CUX1: variants seen among roughly 807,000 people sequenced by gnomAD.
CUX1 encodes the protein protein CASP.
A neutral mutation model predicts 158.8 loss-of-function variants in CUX1; 31 were observed. The observed-to-expected ratio is 0.20, with a 90% CI of 0.15 to 0.26. The LOEUF is 0.26. Ranked by LOEUF, CUX1 falls within the 10% of genes least tolerant of loss-of-function variation. The probability of loss-of-function intolerance (pLI) is 1.00; values close to 1 mark genes in which losing one functional copy is unlikely to be tolerated. For synonymous variants in CUX1, 879 were observed against 862.1 expected (o/e 1.02, Z -0.34); for missense variants, 1,589 against 2,014.6 (o/e 0.79, Z 4.04).
At chr7:101,900,049 GA>G (rs1801970402) in intron 1 of CUX1, among the ~76,000 whole-genome samples, 1 of 152,222 alleles carries the variant, frequency 6.6e-6, no homozygotes, top group African/African-American at 2.4e-5. Context: ...CTATCTTGTA[GA>G]AAGCGCCCTG....
intron 1 of CUX1, among the ~76,000 whole-genome samples, chr7:101,828,038 G>A (rs185241365): frequency 2.7e-5 from 4 of 150,242 alleles, no homozygotes; most frequent in African/African-American, 4.9e-5. Flanking sequence ...GTGCGGTGGC[G>A]GATCTCGACT....
chr7:102,100,244 C>T lies in CUX1; in HGVS notation c.406+2743C>T, dbSNP rs1036403757. The stretch of plus-strand genomic sequence containing the variant: ...AGTGAGCTAAGATCACACCACTGTA[C>T]TCCAGTCTGGGCAACAGAGCGAGAC... On this transcript the variant is annotated intron_variant, in intron 5 of 23. Transcript: ENST00000292535. Among the ~76,000 whole-genome samples, 41 of 152,208 alleles carry T rather than the reference C, an allele frequency of 2.7e-4. 1 individual carries two copies.
At chr7:102,037,351 TTTC>T (rs1821553694) in intron 3 of CUX1, among the ~76,000 whole-genome samples, 1 of 149,356 alleles carries the variant, frequency 6.7e-6, no homozygotes. Flanking sequence ...TTTCTTTTCT[TTTC>T]TTTTTTTTTT....
intron 1 of CUX1, among the ~76,000 whole-genome samples, chr7:101,838,112 C>T (rs1378831036): frequency 6.6e-6 from 1 of 151,486 alleles, no homozygotes; most frequent in Non-Finnish European, 1.5e-5. Context: ...TTTTCTCCTT[C>T]CTTTTCACTC....
intron 20 of CUX1, 61 bp downstream of exon 20, chr7:102,205,231 G>A (rs1197731851): frequency 2.6e-5 from 33 of 1,277,194 alleles, no homozygotes; most frequent in East Asian, 1.4e-4. Context: ...CTGTTGTCCC[G>A]TGCTGTGGTC....
At chr7:102,018,365 C>G (rs181991705) in intron 2 of CUX1, among the ~76,000 whole-genome samples, 274 of 152,344 alleles carry the variant, frequency 1.8e-3, no homozygotes, top group Middle Eastern at 3.4e-3. Context: ...ACCAATGGAG[C>G]CTGAATTTGG....
intron 2 of CUX1, among the ~76,000 whole-genome samples, chr7:101,965,709 C>CGTG (rs1811102658): frequency 6.6e-6 from 1 of 151,468 alleles, no homozygotes; most frequent in South Asian, 2.1e-4. Flanking sequence ...ATTAGCGGGG[C>CGTG]GTGGTGGCAG....
chr7:102,140,726 G>T lies in CUX1; in HGVS notation c.675-17834G>T, dbSNP rs568634778. On this transcript the variant is annotated intron_variant, in intron 8 of 23. Coordinates refer to ENST00000292535, the MANE Select transcript of CUX1 (RefSeq NM_181552.4). ...AATACAAAAAAAAATTTAGCTGAGC[G>T]TGGTGGTGCACGCCTGTAATCCCAG... 2.0e-5 allele frequency among the ~76,000 whole-genome samples: 3 copies of T among 151,936 alleles called. 1 individual carries two copies. Among genetic ancestry groups the T allele is most frequent in the Admixed American group, 2.0e-4 (3 of 15,260 alleles).
In CUX1 at chr7:102,201,960, C is replaced by T; in HGVS notation, c.2663C>T (p.Pro888Leu). The T allele has an allele frequency of 6.2e-7, 1 of 1,614,086 alleles. No individual in the cohort carries two copies. The highest frequency in any genetic ancestry group is 8.5e-7 in the Non-Finnish European group (1 of 1,180,012). Reference protein sequence around the residue: ...YWKEWPSAESPYSQSSELSLT... With the variant: ...YWKEWPSAESLYSQSSELSLT... Reference sequence around the variant, plus strand: ...AAGGAGTGGCCCAGCGCTGAGTCCCCATACTCCCAGAGCTCAGAGCTGAGT... The same window carrying T: ...AAGGAGTGGCCCAGCGCTGAGTCCCTATACTCCCAGAGCTCAGAGCTGAGT... The change falls in exon 18 of 24, where the codon CCA becomes CTA. Residue 888 changes from proline to leucine, a missense_variant. By Grantham distance (98) the Pro-to-Leu change is moderately conservative. Coordinates refer to ENST00000292535, the MANE Select transcript of CUX1 (RefSeq NM_181552.4). This position sits in a 1 kb window ranked among gnomAD's most constrained non-coding sequence, Gnocchi z 5.0.
intron 7 of CUX1, 140 bp from the exon 8 acceptor site, chr7:102,115,067 T>C: frequency 1.4e-6 from 1 of 705,978 alleles, no homozygotes; most frequent in South Asian, 1.8e-5. Context: ...TTGGCCTCTT[T>C]TGTGTGTTTT....
intron 1 of CUX1, among the ~76,000 whole-genome samples, chr7:101,818,609 C>T (rs565862442): frequency 1.0e-3 from 153 of 152,258 alleles, no homozygotes; most frequent in African/African-American, 3.5e-3. Flanking sequence ...AACCAAACCC[C>T]AAAACAAAGT....
intron 18 of CUX1, among the ~76,000 whole-genome samples, chr7:102,203,715 G>A (rs915114921): frequency 3.3e-5 from 5 of 152,132 alleles, no homozygotes; most frequent in South Asian, 4.1e-4. Context: ...TCCCAGGGCG[G>A]CATCTGTGTC....
chr7:102,266,308 A>T (rs193208957), intron 14 of CUX1, among the ~76,000 whole-genome samples: 2 of 151,724 alleles, frequency 1.3e-5, no homozygotes, highest in East Asian at 3.9e-4. Context: ...TGAGCCACCG[A>T]AGGGTCGCAG....
chr7:102,192,761 C>A (rs1554517348), intron 12 of CUX1, among the ~76,000 whole-genome samples: 1 of 152,210 alleles, frequency 6.6e-6, no homozygotes, highest in African/African-American at 2.4e-5. Context: ...ATCTCACGGT[C>A]CAGCCAGCCT....
intron 7 of CUX1, chr7:102,111,978 G>A (rs1187855898): frequency 3.8e-6 from 2 of 529,848 alleles, no homozygotes; most frequent in African/African-American, 3.8e-5. Context: ...TGTTAATGTA[G>A]AGGTGGGAGG....
At chr7:101,850,405 TTTTC>T (rs201253063) in intron 1 of CUX1, among the ~76,000 whole-genome samples, 13 of 145,238 alleles carry the variant, frequency 9.0e-5, no homozygotes, top group African/African-American at 3.0e-4. Context: ...CTGGTTTTCT[TTTTC>T]TTTCTTTCTT....
chr7:101,896,131 C>T (rs1312112259), intron 1 of CUX1, among the ~76,000 whole-genome samples: 1 of 151,868 alleles, frequency 6.6e-6, no homozygotes, highest in Non-Finnish European at 1.5e-5. Context: ...ACTCCTGAAG[C>T]AATCCGCCCA....
At chr7:102,059,530 G>C (rs1283633084) in intron 3 of CUX1, among the ~76,000 whole-genome samples, 1 of 151,524 alleles carries the variant, frequency 6.6e-6, no homozygotes, top group African/African-American at 2.4e-5. Context: ...TACTCGGGAG[G>C]CTAAGGCAGG....
chr7:102,271,320 C>G (rs548856500), intron 14 of CUX1, among the ~76,000 whole-genome samples: 1 of 152,288 alleles, frequency 6.6e-6, no homozygotes, highest in South Asian at 2.1e-4. Context: ...CTGTTTGTGG[C>G]CAAACTGAAG....
Sources: gnomAD v4.1 joint callset for allele counts (sites outside exome capture counted in the v4.1 genomes callset) on GRCh38, gnomAD v4.1.1 for gene constraint, Gnocchi (gnomAD v3.1) non-coding constraint, MANE v1.5 for transcripts, NCBI Gene and HGNC (gene_info 2026-07-23, HGNC 2026-07-21) for gene names.